PTBP3: variants seen among roughly 807,000 people sequenced by gnomAD.
PTBP3 encodes polypyrimidine tract-binding protein 3.
In PTBP3, 20 loss-of-function variants were observed where a neutral mutation model predicts 58.7. The observed-to-expected ratio is 0.34, with a 90% CI of 0.24 to 0.50. PTBP3 has a LOEUF of 0.50. PTBP3 is among the 20% of genes least tolerant of loss of function. The probability of loss-of-function intolerance (pLI) is 0.98; values close to 1 mark genes in which losing one functional copy is unlikely to be tolerated. For missense variants in PTBP3, 509 were observed against 637.2 expected, an observed-to-expected ratio of 0.80 and a Z score of 2.17; for synonymous variants, 185 against 219.8, an observed-to-expected ratio of 0.84 and a Z score of 1.40.
In PTBP3 at chr9:112,247,897, C is replaced by T. The variant is rs80312726; in HGVS notation, c.802+3032G>A. 8.9e-3 allele frequency among the ~76,000 whole-genome samples: 1,356 copies of T among 152,198 alleles called. 16 individuals carry two copies. The highest frequency in any genetic ancestry group is 0.032 in the African/African-American group (1,311 of 41,526). On this transcript the variant is annotated intron_variant, in intron 7 of 13. Transcript: ENST00000374257. ...GGAGGTGGGAGAAAATAAATATACA[C>T]ACACATGCATACACAAATATAGGTA...
intron 1 of PTBP3, chr9:112,332,633 T>C: frequency 1.1e-6 from 1 of 909,760 alleles, no homozygotes; most frequent in Non-Finnish European, 1.5e-6. Context: ...ATTACCAAAA[T>C]ATGTCAAGTC....
At chr9:112,353,267 G>A in the PTBP3 span, among the ~76,000 whole-genome samples, 12 of 152,036 alleles carry the variant, frequency 7.9e-5, no homozygotes, top group South Asian at 4.2e-4. Flanking sequence ...TCACCAGCCC[G>A]TAACATGATT....
chr9:112,304,127 A>C (rs1335658752), intron 1 of PTBP3, among the ~76,000 whole-genome samples: 2 of 152,094 alleles, frequency 1.3e-5, no homozygotes, highest in Non-Finnish European at 2.9e-5. Context: ...AGATTACACC[A>C]CTGCACTCCA....
chr9:112,227,390 A>C (rs772527955), intron 12 of PTBP3, 21 bp downstream of exon 12: 8 of 1,602,352 alleles, frequency 5.0e-6, no homozygotes, highest in Non-Finnish European at 6.8e-6. Flanking sequence ...CTAAGTGATT[A>C]ATAACTTATT....
At chr9:112,235,195 T>A (rs1302232517) in intron 7 of PTBP3, among the ~76,000 whole-genome samples, 1 of 152,120 alleles carries the variant, frequency 6.6e-6, no homozygotes, top group East Asian at 1.9e-4. Context: ...ATCAGTTACT[T>A]ACTAAATGTT....
intron 1 of PTBP3, among the ~76,000 whole-genome samples, chr9:112,323,639 G>T (rs1331833689): frequency 6.6e-6 from 1 of 152,218 alleles, no homozygotes; most frequent in African/African-American, 2.4e-5. Flanking sequence ...TAACAGAAAT[G>T]AAGAATACTT....
rs114799363 is a variant in PTBP3 at position 112,241,804 on chromosome 9, C to A, written c.803-6907G>T. Among the ~76,000 whole-genome samples the A allele has an allele frequency of 9.5e-3, 1,445 of 152,310 alleles. 16 individuals are homozygous for A. The highest frequency in any genetic ancestry group is 0.033 in the African/African-American group (1,384 of 41,558). On this transcript the variant is annotated intron_variant, in intron 7 of 13. Coordinates refer to ENST00000374257, the MANE Select transcript of PTBP3 (RefSeq NM_001163788.4). ...AAATTTTCTCATGTCCCTCTGCAAT[C>A]TCCCTCTCTCCAAACCTTGTCCTCA...
the PTBP3 span, among the ~76,000 whole-genome samples, chr9:112,357,244 T>C: frequency 0.013 from 2,017 of 152,214 alleles, 51 homozygotes; most frequent in African/African-American, 0.047. Flanking sequence ...CCCAGCAGAG[T>C]TGTCAAATCA....
intron 9 of PTBP3, among the ~76,000 whole-genome samples, chr9:112,231,745 AT>A (rs1436302742): frequency 8.8e-4 from 97 of 110,360 alleles, no homozygotes; most frequent in African/African-American, 3.8e-3. Context: ...TTACAAAAGA[AT>A]TAAAAAAAAA....
chr9:112,310,215 G>A (rs770669211), intron 1 of PTBP3, among the ~76,000 whole-genome samples: 1 of 152,188 alleles, frequency 6.6e-6, no homozygotes, highest in African/African-American at 2.4e-5. Flanking sequence ...TTTTCAATGA[G>A]CAGCTGTGGC....
In PTBP3 at chr9:112,234,456, C is replaced by T. The variant is rs571721791; in HGVS notation, c.880+364G>A. ...TTGAAGGCCCAAAGATAAGACAGGT[C>T]TGTTCAACACATAATTGATAAGTTT... On this transcript the variant is annotated intron_variant, in intron 8 of 13. Coordinates refer to ENST00000374257, the MANE Select transcript of PTBP3 (RefSeq NM_001163788.4). Among the ~76,000 whole-genome samples, 4 of 152,266 alleles carry T rather than the reference C, an allele frequency of 2.6e-5. No homozygotes were observed. In the East Asian group the frequency reaches 7.7e-4, roughly 29 times the overall value.
At chr9:112,330,418 A>G (rs777298882) in intron 1 of PTBP3, 6 of 1,467,902 alleles carry the variant, frequency 4.1e-6, no homozygotes, top group Non-Finnish European at 5.6e-6. Flanking sequence ...AATGCATATG[A>G]AAGGATAGTA....
intron 7 of PTBP3, among the ~76,000 whole-genome samples, chr9:112,245,853 AC>A (rs1257652360): frequency 6.6e-6 from 1 of 152,216 alleles, no homozygotes; most frequent in Non-Finnish European, 1.5e-5. Flanking sequence ...AGGAAATTAT[AC>A]CCTGTAGAAT....
At chr9:112,231,681 CGCTTGAGCCCAGGA>C (rs1334484675) in intron 9 of PTBP3, among the ~76,000 whole-genome samples, 13 of 151,612 alleles carry the variant, frequency 8.6e-5, no homozygotes, top group Admixed American at 8.6e-4. Context: ...AGGTGTGTGT[CGCTTGAGCCCAGGA>C]GCTTGAGACC....
the PTBP3 span, among the ~76,000 whole-genome samples, chr9:112,377,541 T>C: frequency 8.5e-5 from 13 of 152,200 alleles, no homozygotes; most frequent in Non-Finnish European, 1.6e-4. Context: ...TTATATAAAC[T>C]ATCCCAGAAT....
At chr9:112,373,771 A>C in the PTBP3 span, among the ~76,000 whole-genome samples, 1 of 152,272 alleles carries the variant, frequency 6.6e-6, no homozygotes, top group Non-Finnish European at 1.5e-5. Flanking sequence ...CACATGATAA[A>C]GGAAAAAGGA....
chr9:112,256,303 ATATATATTTATCTATCTTGCTGT>A, intron 5 of PTBP3, among the ~76,000 whole-genome samples: 1 of 63,128 alleles, frequency 1.6e-5, no homozygotes, highest in Non-Finnish European at 2.9e-5. Context: ...ACATATATAT[ATATATATTTATCTATCTTGCTGT>A]TGTACTTCTA....
intron 1 of PTBP3, among the ~76,000 whole-genome samples, chr9:112,324,908 T>C (rs4585815): frequency 1.3e-5 from 2 of 152,212 alleles, no homozygotes; most frequent in East Asian, 3.9e-4. Flanking sequence ...GAGTGTAAGG[T>C]GGTACAGCAC....
At chr9:112,301,140 C>T (rs1828916336) in intron 1 of PTBP3, among the ~76,000 whole-genome samples, 1 of 152,010 alleles carries the variant, frequency 6.6e-6, no homozygotes, top group Non-Finnish European at 1.5e-5. Flanking sequence ...ACCTAGAACA[C>T]CTAAGAACCC....
Sources: gnomAD v4.1 joint callset for allele counts (sites outside exome capture counted in the v4.1 genomes callset) on GRCh38, gnomAD v4.1.1 for gene constraint, MANE v1.5 for transcripts, NCBI Gene and HGNC (gene_info 2026-07-23, HGNC 2026-07-21) for gene names.